RNF4: variants seen among roughly 807,000 people sequenced by gnomAD.
RNF4 encodes ring finger protein 4, also known as E3 ubiquitin-protein ligase RNF4.
In RNF4, 7 loss-of-function variants were observed where a neutral mutation model predicts 24.3. The observed-to-expected ratio is 0.29, with a 90% CI of 0.16 to 0.54. The LOEUF (loss-of-function observed/expected upper bound fraction) is 0.54. RNF4 is among the 20% of genes least tolerant of loss of function. RNF4 has a pLI of 0.95. For missense variants in RNF4, 209 were observed against 248.5 expected, an observed-to-expected ratio of 0.84 and a Z score of 1.07; for synonymous variants, 83 against 84.3, an observed-to-expected ratio of 0.98 and a Z score of 0.09.
chr4:2,508,911 CTTTTTTTTTT>C (rs66571775), intron 4 of RNF4, among the ~76,000 whole-genome samples: 1 of 62,644 alleles, frequency 1.6e-5, no homozygotes, highest in African/African-American at 7.0e-5. Context: ...TGCCCCAGGC[CTTTTTTTTTT>C]TTTTTTTTTT....
intron 1 of RNF4, among the ~76,000 whole-genome samples, chr4:2,472,675 G>A (rs939642282): frequency 6.6e-6 from 1 of 151,644 alleles, no homozygotes; most frequent in South Asian, 2.1e-4. Flanking sequence ...TACATAGATT[G>A]TGATTCTTCT....
At chr4:2,495,643 G>GGA (rs1377195428) in intron 2 of RNF4, among the ~76,000 whole-genome samples, 2 of 145,504 alleles carry the variant, frequency 1.4e-5, no homozygotes, top group South Asian at 2.2e-4. Context: ...TTTTTTTGGG[G>GGA]GGGGGTGAGA....
intron 1 of RNF4, among the ~76,000 whole-genome samples, chr4:2,471,335 A>C (rs1237577279): frequency 6.6e-6 from 1 of 152,056 alleles, no homozygotes; most frequent in African/African-American, 2.4e-5. Context: ...CATGAATAGC[A>C]CTCATATAAG....
In RNF4 at chr4:2,512,608, G is replaced by GC. The variant is rs768753970; in HGVS notation, c.374+16dup. Reference sequence around the variant, plus strand: ...CGCTACAGGCCTCAGGTACCAACGTGCCCCCAGCTCTGCTGCCGCCATGCT... The same window carrying GC: ...CGCTACAGGCCTCAGGTACCAACGTGCCCCCCAGCTCTGCTGCCGCCATGCT... On this transcript the variant is annotated intron_variant, in intron 6 of 7. Coordinates refer to ENST00000314289, the MANE Select transcript of RNF4 (RefSeq NM_002938.5). The surrounding 1 kb of genome is among the most constrained non-coding windows in gnomAD (Gnocchi z 4.1). The GC allele has an allele frequency of 4.3e-6, 7 of 1,613,046 alleles. No individual in the cohort carries two copies. In the African/African-American group the frequency reaches 9.3e-5, roughly 22 times the overall value.
chr4:2,512,755 G>C lies in RNF4; in HGVS notation c.374+158G>C, dbSNP rs1162303753. Among the ~76,000 whole-genome samples the C allele has an allele frequency of 6.6e-6, 1 of 152,216 alleles. No homozygotes were observed. Among genetic ancestry groups the C allele is most frequent in the East Asian group, 1.9e-4 (1 of 5,190 alleles). On this transcript the variant is annotated intron_variant, in intron 6 of 7. Transcript: ENST00000314289. The surrounding 1 kb of genome is among the most constrained non-coding windows in gnomAD (Gnocchi z 4.1). ...CAGTTGGAACTGGGTCCAGAACTGA[G>C]TCCAGCTATTCCCACTGTAACCAGA...
intron 1 of RNF4, among the ~76,000 whole-genome samples, chr4:2,479,176 T>A (rs1735173157): frequency 6.6e-6 from 1 of 152,224 alleles, no homozygotes; most frequent in East Asian, 1.9e-4. Context: ...GGAATGGCTG[T>A]ATTTACCCAA....
intron 1 of RNF4, among the ~76,000 whole-genome samples, chr4:2,475,887 C>T (rs1486127671): frequency 6.6e-6 from 1 of 152,204 alleles, no homozygotes; most frequent in African/African-American, 2.4e-5. Context: ...AACTTCACCC[C>T]ACCCCTGACT....
chr4:2,480,635 T>C (rs147226029), intron 1 of RNF4: 1 of 152,024 alleles, frequency 6.6e-6, no homozygotes, highest in African/African-American at 2.4e-5. Flanking sequence ...TGCTAGTGGG[T>C]GGGGACACCA....
chr4:2,502,207 G>GT, intron 4 of RNF4, among the ~76,000 whole-genome samples: 1 of 151,184 alleles, frequency 6.6e-6, no homozygotes, highest in East Asian at 1.9e-4. Context: ...AAGTTTTTTT[G>GT]TTTTTTGTTT....
intron 1 of RNF4, among the ~76,000 whole-genome samples, chr4:2,476,604 G>T (rs180689545): frequency 0.011 from 1,675 of 152,140 alleles, 29 homozygotes; most frequent in African/African-American, 0.039. Flanking sequence ...ATGTTGGCCA[G>T]CCTGTCTCGA....
chr4:2,507,186 C>G (rs1044400554), intron 4 of RNF4, among the ~76,000 whole-genome samples: 54 of 141,710 alleles, frequency 3.8e-4, no homozygotes, highest in African/African-American at 1.2e-3. Context: ...AAAGGCTTTT[C>G]TGGAAGGAAG....
chr4:2,481,647 C>T (rs1479301278), intron 1 of RNF4, among the ~76,000 whole-genome samples: 2 of 152,160 alleles, frequency 1.3e-5, no homozygotes, highest in Non-Finnish European at 2.9e-5. Context: ...CAGAGCATTC[C>T]TGTTGTGCGT....
chr4:2,500,111 C>G (rs999986456), intron 3 of RNF4, among the ~76,000 whole-genome samples: 9 of 148,880 alleles, frequency 6.0e-5, no homozygotes, highest in African/African-American at 1.7e-4. Flanking sequence ...GAGCCAAGAT[C>G]GCACCACTGC....
At chr4:2,480,681 AG>A (rs1353150166) in intron 1 of RNF4, 22 of 152,192 alleles carry the variant, frequency 1.4e-4, no homozygotes, top group Admixed American at 1.4e-3. Context: ...TCTTGATTTA[AG>A]GGAGTATAGA....
At chr4:2,479,654 G>C (rs1735189477) in intron 1 of RNF4, among the ~76,000 whole-genome samples, 1 of 152,192 alleles carries the variant, frequency 6.6e-6, no homozygotes, top group Admixed American at 6.5e-5. Context: ...ATGTGGAACT[G>C]TTAAGTTCAT....
chr4:2,487,912 G>C (rs920870772), intron 1 of RNF4, among the ~76,000 whole-genome samples: 1 of 152,192 alleles, frequency 6.6e-6, no homozygotes, highest in African/African-American at 2.4e-5. Context: ...AGACGACCAA[G>C]TGCTGAAGAA....
chr4:2,510,210 A>G lies in RNF4; in HGVS notation c.205-1746A>G, dbSNP rs577415630. ...GGCCGTTTGTGTATGTCAGGATGCC[A>G]TTTGGGAAACAAAATCCACTCTAAT... On this transcript the variant is annotated intron_variant, in intron 4 of 7. Transcript: ENST00000314289. Among the ~76,000 whole-genome samples, 30 of 152,328 alleles carry G rather than the reference A, an allele frequency of 2.0e-4. No individual in the cohort carries two copies. In the East Asian group the frequency reaches 3.3e-3, roughly 17 times the overall value.
Position 2,513,935 on chromosome 4 carries a change from A to G in RNF4, c.*116A>G, listed in dbSNP as rs548583190. ...GACTGTTTCGAAACCAACATCTGAT[A>G]TGTAAACTGCTCTTTTGTTTCCAAC... On this transcript the variant is annotated 3_prime_UTR_variant, in exon 8 of 8. Transcript: ENST00000314289. The G allele has an allele frequency of 6.5e-5, 86 of 1,331,688 alleles. 1 individual carries two copies. In the South Asian group the frequency reaches 9.3e-4, roughly 14 times the overall value. The allele number at this position is 1,331,688 out of a possible 1,614,324, so 82.5% of individuals were successfully genotyped here.
At chr4:2,501,255 CTG>C (rs1379241007) in intron 4 of RNF4, among the ~76,000 whole-genome samples, 1 of 152,282 alleles carries the variant, frequency 6.6e-6, no homozygotes, top group African/African-American at 2.4e-5. Flanking sequence ...TGCCCAGTCA[CTG>C]TGAGTGTATG....
Sources: allele counts gnomAD v4.1 joint callset (sites outside exome capture counted in the v4.1 genomes callset), GRCh38; gene constraint gnomAD v4.1.1; non-coding constraint Gnocchi (gnomAD v3.1); transcripts MANE v1.5; gene names NCBI Gene and HGNC (gene_info 2026-07-23, HGNC 2026-07-21).